The following EPN2 variants were observed in gnomAD, a reference collection of about 807,000 sequenced individuals.
EPN2 encodes epsin-2.
In EPN2, 34 loss-of-function variants were observed where a neutral mutation model predicts 61.7. The observed-to-expected ratio is 0.55, with a 90% CI of 0.42 to 0.73. EPN2 has a LOEUF of 0.73. Among genes scored for constraint, EPN2 ranks in the 30% least tolerant of loss-of-function variants. The probability of loss-of-function intolerance (pLI) is 0.00; values close to 1 mark genes in which losing one functional copy is unlikely to be tolerated. For missense variants in EPN2, 714 were observed against 839.2 expected (o/e 0.85, Z 1.84); for synonymous variants, 349 against 353.6 (o/e 0.99, Z 0.15).
chr17:19,287,396 T>C (rs1199876601), intron 4 of EPN2, among the ~76,000 whole-genome samples: 2 of 152,116 alleles, frequency 1.3e-5, no homozygotes, highest in African/African-American at 4.8e-5. Flanking sequence ...AAACAAGTGT[T>C]ATATGGATTG....
chr17:19,255,050 A>G (rs1431022906), intron 1 of EPN2, among the ~76,000 whole-genome samples: 1 of 152,174 alleles, frequency 6.6e-6, no homozygotes, highest in East Asian at 1.9e-4. Context: ...ATGAGTGGCC[A>G]AGTGCTGACT....
Position 19,328,709 on chromosome 17 carries a change from A to G in EPN2, c.1148-2A>G. The G allele has an allele frequency of 6.2e-7, 1 of 1,600,462 alleles. No individual in the cohort carries two copies. On this transcript the variant is annotated splice_acceptor_variant, in intron 7 of 10. Coordinates refer to ENST00000314728, the MANE Select transcript of EPN2 (RefSeq NM_014964.5). LOFTEE classifies it high-confidence loss of function. ...CTGAGCCCTGACCCTGCCTTCCAAC[A>G]GGTACCAAGCCAGCTGCCTCCATTG...
chr17:19,295,373 T>TGCGCGC lies in EPN2; in HGVS notation c.766+9584_766+9589dup, dbSNP rs75073631. 2.8e-5 allele frequency among the ~76,000 whole-genome samples: 4 copies of TGCGCGC among 144,222 alleles called. No homozygotes were observed. The East Asian group carries it at 8.0e-4, about 29-fold the overall frequency. 94.6% of individuals were successfully genotyped at this position (144,222 alleles called of 152,430 possible). A position where few individuals can be genotyped will look rare whatever the true frequency, so the allele number is the denominator to read the frequency against. ...ACACACACACACACACACACGCGCG[T>TGCGCGC]GCGCGCAAAATAGCCAGGTGTAGTG... On this transcript the variant is annotated intron_variant, in intron 4 of 10. Transcript: ENST00000314728.
intron 4 of EPN2, among the ~76,000 whole-genome samples, chr17:19,289,692 C>T (rs746760300): frequency 6.8e-5 from 10 of 146,200 alleles, no homozygotes; most frequent in Admixed American, 2.1e-4. Flanking sequence ...TGCTTATAGC[C>T]GTCAGCTGTT....
chr17:19,239,721 T>C (rs1435357030), intron 1 of EPN2, among the ~76,000 whole-genome samples: 3 of 152,266 alleles, frequency 2.0e-5, no homozygotes, highest in African/African-American at 7.2e-5. Context: ...AGAGGCTTTT[T>C]GCCTCTCTGA....
In EPN2 at chr17:19,283,296, G is replaced by A. The variant is rs2045375452; in HGVS notation, c.177G>A (p.Met59Ile). 2 of 1,614,156 alleles carry A rather than the reference G, an allele frequency of 1.2e-6. No individual in the cohort carries two copies. Among genetic ancestry groups the A allele is most frequent in the Non-Finnish European group, 1.7e-6 (2 of 1,180,016 alleles). ...TGGCCTTCTCGGAGATCATGAGCAT[G>A]GTGTGGAAGCGGCTGAATGACCATG... The part of the protein sequence containing the change: ...NVVAFSEIMS[M>I]VWKRLNDHGK... Residue 59 changes from methionine to isoleucine, a missense_variant, in exon 3 of 11, where the codon ATG (methionine) becomes ATA (isoleucine). Physicochemically the swap from Met to Ile is conservative, Grantham distance 10. Transcript: ENST00000314728. This position sits in a 1 kb window ranked among gnomAD's most constrained non-coding sequence, Gnocchi z 7.0.
intron 1 of EPN2, among the ~76,000 whole-genome samples, chr17:19,274,965 A>G (rs545840640): frequency 6.6e-6 from 1 of 152,252 alleles, no homozygotes; most frequent in African/African-American, 2.4e-5. Context: ...TTTACCAGAA[A>G]ATTCTCCCCC....
intron 1 of EPN2, among the ~76,000 whole-genome samples, chr17:19,275,904 G>A (rs2152214175): frequency 6.6e-6 from 1 of 152,240 alleles, no homozygotes; most frequent in African/African-American, 2.4e-5. Flanking sequence ...CATTTCAGAA[G>A]GCCTGACAAT....
chr17:19,252,700 T>G (rs1020892395), intron 1 of EPN2, among the ~76,000 whole-genome samples: 4 of 152,194 alleles, frequency 2.6e-5, no homozygotes, highest in African/African-American at 9.7e-5. Flanking sequence ...AAATCTTGAT[T>G]GATTGACTGA....
Position 19,334,718 on chromosome 17 carries a change from TTTTA to T in EPN2, c.*468_*471del, listed in dbSNP as rs1907320952. ...CCTTTTGGGGAAGTGGTTGTGCATA[TTTTA>T]TTTTTCTTTGACTCGTGTGAGTTCA... On this transcript the variant is annotated 3_prime_UTR_variant, in exon 11 of 11. Coordinates refer to ENST00000314728, the MANE Select transcript of EPN2 (RefSeq NM_014964.5). The surrounding 1 kb of genome is among the most constrained non-coding windows in gnomAD (Gnocchi z 4.9). 6.5e-6 allele frequency: 1 copy of T among 154,898 alleles called. No homozygotes were observed. The highest frequency in any genetic ancestry group is 6.5e-5 in the Admixed American group (1 of 15,350). The allele number at this position is 154,898 out of a possible 1,614,324, so 9.6% of individuals were successfully genotyped here.
rs1906226357 is a variant in EPN2 at position 19,313,134 on chromosome 17, G to T, written c.1002G>T (p.Leu334=). ...EHGSLPQQTT[L]LDLMDALPSS... ...GCTCTCTCCCACAGCAGACTACGCT[G>T]TTGGATTTAATGGATGCTCTCCCCA... The change falls in exon 7 of 11, where the codon CTG becomes CTT. Residue 334 remains leucine (L), a synonymous_variant. Transcript: ENST00000314728. 1 of 1,613,908 alleles carries T rather than the reference G, an allele frequency of 6.2e-7. No individual in the cohort carries two copies. Among genetic ancestry groups the T allele is most frequent in the African/African-American group, 1.3e-5 (1 of 75,026 alleles).
intron 7 of EPN2, among the ~76,000 whole-genome samples, chr17:19,319,227 G>A (rs1018863418): frequency 2.6e-5 from 4 of 151,988 alleles, no homozygotes; most frequent in African/African-American, 7.2e-5. Context: ...ATGTTAAAAT[G>A]CCTTGTGTTA....
At chr17:19,319,655 TA>T (rs1040021242) in intron 7 of EPN2, among the ~76,000 whole-genome samples, 1 of 151,376 alleles carries the variant, frequency 6.6e-6, no homozygotes, top group Admixed American at 6.6e-5. Context: ...TTTTTATTTT[TA>T]TTTTTTTTTG....
intron 1 of EPN2, among the ~76,000 whole-genome samples, chr17:19,245,726 G>A (rs1302075241): frequency 1.3e-5 from 2 of 150,764 alleles, no homozygotes; most frequent in Admixed American, 6.6e-5. Flanking sequence ...GCAATGGCGC[G>A]ATCTCGGCTC....
chr17:19,335,352 G>A lies in EPN2; in HGVS notation c.*1098G>A. On this transcript the variant is annotated 3_prime_UTR_variant, in exon 11 of 11. Coordinates refer to ENST00000314728, the MANE Select transcript of EPN2 (RefSeq NM_014964.5). ...TGAAAGTTAAAGAAAAAAATCTAAT[G>A]TATGAATGTGACTCACCAATTTTTA... is the stretch of plus-strand genomic sequence containing the variant. The A allele has an allele frequency of 6.6e-7, 1 of 1,525,218 alleles. No individual in the cohort carries two copies. Among genetic ancestry groups the A allele is most frequent in the Non-Finnish European group, 8.9e-7 (1 of 1,128,304 alleles). 94.5% of individuals were successfully genotyped at this position (1,525,218 alleles called of 1,614,324 possible). A position where few individuals can be genotyped will look rare whatever the true frequency, so the allele number is the denominator to read the frequency against.
At chr17:19,246,151 G>T (rs1419941288) in intron 1 of EPN2, among the ~76,000 whole-genome samples, 1 of 152,132 alleles carries the variant, frequency 6.6e-6, no homozygotes, top group African/African-American at 2.4e-5. Context: ...ATGAGGTCAA[G>T]AGATCAAGAC....
At chr17:19,243,454 G>A (rs1266959578) in intron 1 of EPN2, among the ~76,000 whole-genome samples, 1 of 141,872 alleles carries the variant, frequency 7.0e-6, no homozygotes, top group Non-Finnish European at 1.5e-5. Flanking sequence ...GTGCAGCGGC[G>A]CGATCTCAGC....
intron 1 of EPN2, among the ~76,000 whole-genome samples, chr17:19,280,531 G>A (rs992422300): frequency 1.1e-4 from 16 of 152,212 alleles, no homozygotes; most frequent in African/African-American, 3.6e-4. Flanking sequence ...TGTGGCTTCA[G>A]ATAGAGTCAG....
At chr17:19,254,220 G>A (rs1293544688) in intron 1 of EPN2, among the ~76,000 whole-genome samples, 1 of 148,762 alleles carries the variant, frequency 6.7e-6, no homozygotes, top group East Asian at 1.9e-4. Context: ...AAGGAAAAAG[G>A]AAAGGAAAGG....
Sources: gnomAD v4.1 joint callset for allele counts (sites outside exome capture counted in the v4.1 genomes callset) on GRCh38, gnomAD v4.1.1 for gene constraint, Gnocchi (gnomAD v3.1) non-coding constraint, MANE v1.5 for transcripts, NCBI Gene and HGNC (gene_info 2026-07-23, HGNC 2026-07-21) for gene names.